POLE: variants seen among roughly 807,000 people sequenced by gnomAD.
POLE encodes the protein DNA polymerase epsilon catalytic subunit A.
A neutral mutation model predicts 279.2 loss-of-function variants in POLE; 188 were observed. That is an observed-to-expected ratio of 0.67 (90% CI 0.60 to 0.76). The LOEUF is 0.76. Ranked by LOEUF, POLE falls within the 30% of genes least tolerant of loss-of-function variation. The pLI is 0.00. For synonymous variants in POLE, 1,214 were observed against 1,172.5 expected, an observed-to-expected ratio of 1.04 and a Z score of -0.72; for missense variants, 2,703 against 3,016.7, an observed-to-expected ratio of 0.90 and a Z score of 2.44.
chr12:132,680,230 G>A lies in POLE; in HGVS notation c.286-8C>T, dbSNP rs1593086516. On this transcript the variant is annotated splice_region_variant and splice_polypyrimidine_tract_variant and intron_variant, in intron 3 of 48. Transcript: ENST00000320574. ...TTTATAGGGCAAAGCCACCTGTTAAGAGTCACCAACCCATCCAGGGGTGAT... is the reference window on the plus strand; with the variant it reads ...TTTATAGGGCAAAGCCACCTGTTAAAAGTCACCAACCCATCCAGGGGTGAT... 1.9e-6 allele frequency: 3 copies of A among 1,613,460 alleles called. No individual in the cohort carries two copies. The highest frequency in any genetic ancestry group is 2.5e-6 in the Non-Finnish European group (3 of 1,179,360).
chr12:132,655,932 C>T (rs528610064), intron 29 of POLE, among the ~76,000 whole-genome samples: 5 of 152,044 alleles, frequency 3.3e-5, no homozygotes, highest in South Asian at 2.1e-4. Flanking sequence ...GAGGCCAAGG[C>T]GGGTGCATTC....
chr12:132,670,985 A>C (rs981146232), intron 16 of POLE, among the ~76,000 whole-genome samples: 3 of 152,096 alleles, frequency 2.0e-5, no homozygotes, highest in East Asian at 1.9e-4. Flanking sequence ...TCTTGAGGGC[A>C]GGCACAGTGG....
chr12:132,626,057 A>C, intron 46 of POLE, 60 bp downstream of exon 46: 2 of 1,492,578 alleles, frequency 1.3e-6, no homozygotes, highest in Non-Finnish European at 1.8e-6. Flanking sequence ...CCCTCAAGAC[A>C]CCGCAGTGCC....
rs754127082 is a variant in POLE, at chr12:132,659,280, G to C, written c.3275+15C>G. ...GGAGGAGCCCTCACCTCTCCGTGAT[G>C]GGGGGAGCCCTCACCTCTCCGTGAC... On this transcript the variant is annotated intron_variant, in intron 26 of 48. Transcript: ENST00000320574. 4 of 1,609,200 alleles carry C rather than the reference G, an allele frequency of 2.5e-6. No homozygotes were observed. The highest frequency in any genetic ancestry group is 1.3e-5 in the African/African-American group (1 of 74,208).
intron 37 of POLE, 54 bp from the exon 38 acceptor site, chr12:132,642,451 C>A (rs1443855042): frequency 6.3e-7 from 1 of 1,599,818 alleles, no homozygotes; most frequent in Non-Finnish European, 8.6e-7. Flanking sequence ...ACAGAGACCA[C>A]CGAGGCCGGC....
At chr12:132,686,986 G>A (rs1565986160) in intron 1 of POLE, among the ~76,000 whole-genome samples, 1 of 151,586 alleles carries the variant, frequency 6.6e-6, no homozygotes, top group Non-Finnish European at 1.5e-5. Flanking sequence ...GGAAGGCGAG[G>A]CCCGAAAAAC....
At chr12:132,669,088 G>T (rs2042865778) in intron 16 of POLE, 149 bp from the exon 17 acceptor site, 7 of 657,734 alleles carry the variant, frequency 1.1e-5, no homozygotes, top group South Asian at 2.4e-5. Flanking sequence ...GTTAAGAAGG[G>T]TTGCCATCAT....
At chr12:132,625,363 C>G (rs879925901) in intron 47 of POLE, 20 of 732,342 alleles carry the variant, frequency 2.7e-5, no homozygotes, top group Admixed American at 1.0e-4. Context: ...CCGAGCTGTG[C>G]AACTCCCTCT....
chr12:132,633,162 CTTTTTT>C (rs35854836), intron 43 of POLE: 2 of 146,206 alleles, frequency 1.4e-5, no homozygotes, highest in Admixed American at 6.7e-5. Flanking sequence ...GGCACTTACC[CTTTTTT>C]TTTTTTTTTT....
chr12:132,678,276 G>GAA (rs34315839), intron 6 of POLE, among the ~76,000 whole-genome samples: 2 of 141,738 alleles, frequency 1.4e-5, no homozygotes, highest in African/African-American at 2.6e-5. Flanking sequence ...ACCCCAACTA[G>GAA]AAAAAAAAAA....
At chr12:132,669,766 C>A (rs888161712) in intron 16 of POLE, among the ~76,000 whole-genome samples, 2 of 152,214 alleles carry the variant, frequency 1.3e-5, no homozygotes, top group African/African-American at 4.8e-5. Context: ...GTGGGGACAC[C>A]ACCTGGACAT....
In POLE at chr12:132,642,283, T is replaced by C. The variant is rs1256621322; in HGVS notation, c.5067A>G (p.Thr1689=). 6.2e-7 allele frequency: 1 copy of C among 1,608,680 alleles called. No homozygotes were observed. Among genetic ancestry groups the C allele is most frequent in the African/African-American group, 1.3e-5 (1 of 74,590 alleles). ...CCTTTCCACCCAGGTCAGGGCGGGCTGTAGGGGACAGCCAGAGCAGGTGGT... is the reference window on the plus strand; with the variant it reads ...CCTTTCCACCCAGGTCAGGGCGGGCCGTAGGGGACAGCCAGAGCAGGTGGT... ...RHNHLLWLSP[T]ARPDLGGKEA... The change falls in exon 38 of 49, where the codon ACA becomes ACG. Residue 1689 remains threonine, a synonymous_variant. Transcript: ENST00000320574.
At position 132,677,580 on chromosome 12, in the gene POLE, C is replaced by T. The variant is rs371882716; in HGVS notation, c.718G>A (p.Val240Met). The change falls in exon 7 of 49, where the codon GTG (valine) becomes ATG (methionine). Residue 240 changes from valine (V) to methionine (M), a missense_variant and splice_region_variant. Physicochemically the swap from Val to Met is conservative, Grantham distance 21. Around this residue, in one of 5 missense-constraint regions of POLE, gnomAD observed 1,011 missense variants for 1,111.7 expected, o/e 0.91. Transcript: ENST00000320574. Reference protein sequence around the residue: ...IRLSIDLKIHVAHWYNVRYRG... With the variant: ...IRLSIDLKIHMAHWYNVRYRG... ...CGACCCAACCCTGCCCCACTCACCA[C>T]GTGGATCTTCAGGTCAATGGAGAGG... 72 of 1,614,156 alleles carry T rather than the reference C, an allele frequency of 4.5e-5. No individual in the cohort carries two copies. Among genetic ancestry groups the T allele is most frequent in the Non-Finnish European group, 5.2e-5 (61 of 1,180,008 alleles).
In POLE at chr12:132,675,838, C is replaced by T; in HGVS notation, c.1021-18G>A. The stretch of plus-strand genomic sequence containing the variant: ...AGATGAGCCTGAACCCAAGTCACAG[C>T]AGTCAGAGGTCTGCTCTTTCTCTTC... On this transcript the variant is annotated intron_variant, in intron 10 of 48. Transcript: ENST00000320574. The surrounding 1 kb of genome is among the most constrained non-coding windows in gnomAD (Gnocchi z 4.3). The T allele has an allele frequency of 6.3e-7, 1 of 1,592,600 alleles. No homozygotes were observed. The highest frequency in any genetic ancestry group is 8.6e-7 in the Non-Finnish European group (1 of 1,160,388).
chr12:132,643,403 A>T lies in POLE; in HGVS notation c.4444+4T>A, dbSNP rs5744941. On this transcript the variant is annotated splice_donor_region_variant and intron_variant, in intron 34 of 48. Coordinates refer to ENST00000320574, the MANE Select transcript of POLE (RefSeq NM_006231.4). ...ACATGATGGGCGGCTGGTGCAGGCC[A>T]TACCTGGTTCCAGGTAGCTGAACTG... 0.076 allele frequency: 123,116 copies of T among 1,614,164 alleles called. 5,271 individuals carry two copies. The highest frequency in any genetic ancestry group is 0.086 in the Non-Finnish European group (101,397 of 1,179,998).
In POLE at chr12:132,626,087, AGTGAAGGGCCCGCTG is replaced by A; in HGVS notation, c.6531+15_6531+29del. On this transcript the variant is annotated intron_variant, in intron 46 of 48. Transcript: ENST00000320574. ...AGTGCCCTCGGATGTTCTGCTCCAC[AGTGAAGGGCCCGCTG>A]GAGCTCAGCCGCACCTCTGAGAAGG... The A allele has an allele frequency of 1.3e-6, 2 of 1,564,984 alleles. No homozygotes were observed. Among genetic ancestry groups the A allele is most frequent in the Non-Finnish European group, 1.7e-6 (2 of 1,153,888 alleles).
rs752219944 is a variant in POLE at position 132,672,651 on chromosome 12, G to A, written c.1662C>T (p.Ser554=). 1.1e-5 allele frequency: 17 copies of A among 1,613,954 alleles called. No homozygotes were observed. The African/African-American group carries it at 1.5e-4, about 14-fold the overall frequency. The change falls in exon 15 of 49, where the codon AGC becomes AGT. Residue 554 remains serine, a synonymous_variant. Transcript: ENST00000320574. Reference sequence around the variant, plus strand: ...CCATCCTAAACCGGCAAGGGATATCGCTGCGGAAAACCCCAGACTCGAGGG... The same window carrying A: ...CCATCCTAAACCGGCAAGGGATATCACTGCGGAAAACCCCAGACTCGAGGG... ...VEALESGVFR[S]DIPCRFRMNP...
intron 16 of POLE, among the ~76,000 whole-genome samples, chr12:132,671,425 C>T (rs1453995684): frequency 6.6e-6 from 1 of 151,330 alleles, no homozygotes; most frequent in Non-Finnish European, 1.5e-5. Context: ...AATCCCAGCA[C>T]TTTGGGAGGC....
chr12:132,668,718 TCGTCCACCATGG>T lies in POLE; in HGVS notation c.1931_1942del (p.Ala644_Asp647del). 1 of 1,614,072 alleles carries T rather than the reference TCGTCCACCATGG, an allele frequency of 6.2e-7. No homozygotes were observed. The highest frequency in any genetic ancestry group is 8.5e-7 in the Non-Finnish European group (1 of 1,179,920). On this transcript the variant is annotated inframe_deletion, in exon 18 of 49. Coordinates refer to ENST00000320574, the MANE Select transcript of POLE (RefSeq NM_006231.4). This position sits in a 1 kb window ranked among gnomAD's most constrained non-coding sequence, Gnocchi z 4.0. ...GAAGTCACAGGCAGCACAGGTGGCTTCGTCCACCATGGCAGAGGGCTGGGAGGGGTGAGAAAG... is the reference window on the plus strand; with the variant it reads ...GAAGTCACAGGCAGCACAGGTGGCTTCAGAGGGCTGGGAGGGGTGAGAAAG...
Sources: allele counts gnomAD v4.1 joint callset (sites outside exome capture counted in the v4.1 genomes callset), GRCh38; gene constraint gnomAD v4.1.1; regional missense constraint gnomAD v4.1.1; non-coding constraint Gnocchi (gnomAD v3.1); transcripts MANE v1.5; gene names NCBI Gene and HGNC (gene_info 2026-07-23, HGNC 2026-07-21).